Variants in SNX29 observed in about 807,000 individuals in gnomAD.
The protein encoded by SNX29 is sorting nexin-29.
Under a neutral mutation model 102.1 loss-of-function variants are expected in SNX29, and 78 were observed. The observed-to-expected ratio is 0.76, with a 90% CI of 0.64 to 0.92. SNX29 has a LOEUF of 0.92. Among genes scored for constraint, SNX29 ranks in the 40% least tolerant of loss-of-function variants. The pLI, the probability that SNX29 is intolerant of heterozygous loss-of-function variation, is 0.00. For missense variants in SNX29, 1,280 were observed against 1,061.7 expected (o/e 1.21, Z -2.86); for synonymous variants, 580 against 414.5 (o/e 1.40, Z -4.85).
At chr16:12,091,014 C>CAAAAAAAAAAAAAAAAAAAA (rs58933500) in intron 11 of SNX29, among the ~76,000 whole-genome samples, 5 of 53,432 alleles carry the variant, frequency 9.4e-5, no homozygotes, top group Non-Finnish European at 1.3e-4. Context: ...GACTTCATCT[C>CAAAAAAAAAAAAAAAAAAAA]AAAAAAAAAA....
intron 18 of SNX29, among the ~76,000 whole-genome samples, chr16:12,430,560 G>A (rs1047948202): frequency 6.6e-6 from 1 of 152,168 alleles, no homozygotes; most frequent in Admixed American, 6.5e-5. Context: ...TTTGTAAAAT[G>A]AGCATAGTGC....
At chr16:12,198,570 G>C (rs374847002) in intron 13 of SNX29, among the ~76,000 whole-genome samples, 1 of 152,142 alleles carries the variant, frequency 6.6e-6, no homozygotes, top group Non-Finnish European at 1.5e-5. Context: ...TGAGGTGTAG[G>C]GGGTGGGGCA....
At chr16:11,984,636 C>G (rs1161137540) in intron 1 of SNX29, among the ~76,000 whole-genome samples, 2 of 152,004 alleles carry the variant, frequency 1.3e-5, no homozygotes, top group Non-Finnish European at 2.9e-5. Flanking sequence ...CTCTCCCTCT[C>G]TCTCTCCCTT....
intron 11 of SNX29, chr16:12,090,209 G>A (rs1224679814): frequency 6.6e-6 from 1 of 152,526 alleles, no homozygotes; most frequent in African/African-American, 2.4e-5. Context: ...ATTCTCACCG[G>A]CGTCTCAGGG....
intron 18 of SNX29, among the ~76,000 whole-genome samples, chr16:12,415,176 G>C (rs1312324384): frequency 1.3e-5 from 2 of 152,244 alleles, no homozygotes; most frequent in East Asian, 1.9e-4. Context: ...CAGAAAACCA[G>C]GACCCACAAA....
intron 4 of SNX29, among the ~76,000 whole-genome samples, chr16:12,041,480 T>C (rs2049877546): frequency 6.6e-6 from 1 of 152,226 alleles, no homozygotes; most frequent in Non-Finnish European, 1.5e-5. Context: ...AACACTATAA[T>C]TTATTCTCCC....
chr16:12,078,390 G>C (rs766710839), intron 10 of SNX29, among the ~76,000 whole-genome samples: 1 of 152,050 alleles, frequency 6.6e-6, no homozygotes, highest in Non-Finnish European at 1.5e-5. Context: ...CACAAGAATC[G>C]CTTGAACCCA....
At chr16:12,050,173 C>T (rs1473879000) in intron 7 of SNX29, among the ~76,000 whole-genome samples, 2 of 152,252 alleles carry the variant, frequency 1.3e-5, no homozygotes, top group Admixed American at 1.3e-4. Flanking sequence ...AGAAGTTCCA[C>T]CCATTTTTGG....
intron 15 of SNX29, among the ~76,000 whole-genome samples, chr16:12,347,153 G>C (rs1172727018): frequency 6.6e-6 from 1 of 151,954 alleles, no homozygotes; most frequent in Non-Finnish European, 1.5e-5. Flanking sequence ...CCTTTGAAAT[G>C]TGAAGTTATC....
intron 1 of SNX29, among the ~76,000 whole-genome samples, chr16:11,995,732 G>C (rs571496092): frequency 6.6e-6 from 1 of 151,934 alleles, no homozygotes; most frequent in Non-Finnish European, 1.5e-5. Context: ...GGTGTGAAAG[G>C]AGCCGGCAGT....
chr16:12,296,660 G>C (rs1203332233), intron 15 of SNX29, among the ~76,000 whole-genome samples: 3 of 100,578 alleles, frequency 3.0e-5, no homozygotes, highest in South Asian at 2.6e-4. Flanking sequence ...CCCTAATGCA[G>C]GTACTTCTCC....
chr16:12,091,032 A>G (rs1243407943), intron 11 of SNX29, among the ~76,000 whole-genome samples: 2 of 98,400 alleles, frequency 2.0e-5, no homozygotes, highest in Non-Finnish European at 4.4e-5. Context: ...AAAAAAAAAA[A>G]AAAAAAGAAA....
intron 15 of SNX29, among the ~76,000 whole-genome samples, chr16:12,302,603 C>T (rs1044203612): frequency 2.0e-5 from 3 of 152,146 alleles, no homozygotes; most frequent in East Asian, 1.9e-4. Context: ...AAATCCCATT[C>T]GTGAGGGCTC....
intron 11 of SNX29, among the ~76,000 whole-genome samples, chr16:12,084,081 A>G (rs531765729): frequency 6.6e-6 from 1 of 152,084 alleles, no homozygotes; most frequent in African/African-American, 2.4e-5. Context: ...GACCCACATG[A>G]TTGTTCTCCT....
chr16:12,123,990 G>A (rs1049843820), intron 11 of SNX29, among the ~76,000 whole-genome samples: 1 of 152,200 alleles, frequency 6.6e-6, no homozygotes, highest in Non-Finnish European at 1.5e-5. Context: ...TGAGAAGCAA[G>A]GATGATATCA....
intron 15 of SNX29, among the ~76,000 whole-genome samples, chr16:12,354,492 G>A (rs1009709951): frequency 6.6e-6 from 1 of 152,180 alleles, no homozygotes; most frequent in African/African-American, 2.4e-5. Flanking sequence ...GAAAATTGCA[G>A]TAACACTCTG....
intron 18 of SNX29, among the ~76,000 whole-genome samples, chr16:12,471,469 G>A (rs565186067): frequency 6.6e-6 from 1 of 152,310 alleles, no homozygotes; most frequent in African/African-American, 2.4e-5. Context: ...CACTTGGCTG[G>A]CAAGGGGTGC....
intron 20 of SNX29, among the ~76,000 whole-genome samples, chr16:12,567,459 C>T (rs981047841): frequency 6.6e-6 from 1 of 152,160 alleles, no homozygotes; most frequent in Admixed American, 6.5e-5. Flanking sequence ...ATTTATGTGT[C>T]CCCTTATCTA....
At chr16:12,121,753 G>A (rs1272030700) in intron 11 of SNX29, among the ~76,000 whole-genome samples, 1 of 152,158 alleles carries the variant, frequency 6.6e-6, no homozygotes, top group East Asian at 1.9e-4. Flanking sequence ...CAGGGGTCCT[G>A]GGCCCAGTTT....
Sources: gnomAD v4.1 joint callset for allele counts (sites outside exome capture counted in the v4.1 genomes callset) on GRCh38, gnomAD v4.1.1 for gene constraint, MANE v1.5 for transcripts, NCBI Gene and HGNC (gene_info 2026-07-23, HGNC 2026-07-21) for gene names.